The following ROBO1 variants were observed in gnomAD, a reference collection of about 807,000 sequenced individuals.
The protein encoded by ROBO1 is roundabout guidance receptor 1.
A neutral mutation model predicts 195.9 loss-of-function variants in ROBO1; 149 were observed. That is an observed-to-expected ratio of 0.76 (90% confidence interval 0.67 to 0.87). The LOEUF (loss-of-function observed/expected upper bound fraction) is 0.87, where lower values mean the gene tolerates loss of function less well. ROBO1 is among the 40% of genes least tolerant of loss of function. ROBO1 has a pLI of 0.00. For missense variants in ROBO1, 1,933 were observed against 2,068.3 expected (o/e 0.93, Z 1.27); for synonymous variants, 816 against 733.2 (o/e 1.11, Z -1.82).
At chr3:79,588,660 T>C (rs999392914) in intron 2 of ROBO1, among the ~76,000 whole-genome samples, 7 of 151,708 alleles carry the variant, frequency 4.6e-5, no homozygotes, top group Non-Finnish European at 8.9e-5. Flanking sequence ...ATTCATACAC[T>C]AATCTTAATA....
chr3:78,773,627 G>A (rs2083432585), intron 4 of ROBO1, among the ~76,000 whole-genome samples: 1 of 151,966 alleles, frequency 6.6e-6, no homozygotes, highest in African/African-American at 2.4e-5. Context: ...TTTTATTGAT[G>A]TATTTGGACA....
At position 78,676,693 on chromosome 3, in the gene ROBO1, G is replaced by A. The variant is rs1312662662; in HGVS notation, c.1343-6392C>T. On this transcript the variant is annotated intron_variant, in intron 10 of 30. Coordinates refer to ENST00000464233, the MANE Select transcript of ROBO1 (RefSeq NM_002941.4). ...GACTATGTGAAAAGACCAAATCTAC[G>A]TCTGATTGGTGTACCTGAAAGTGAC... Among the ~76,000 whole-genome samples the A allele has an allele frequency of 5.9e-5, 9 of 152,260 alleles. No homozygotes were observed. In the East Asian group the frequency reaches 9.6e-4, roughly 16 times the overall value.
chr3:79,526,573 A>G (rs1941441708), intron 2 of ROBO1: 1 of 152,166 alleles, frequency 6.6e-6, no homozygotes, highest in Non-Finnish European at 1.5e-5. Flanking sequence ...TGACTTCCAT[A>G]ATTCTGTGAA....
chr3:78,688,628 A>G lies in ROBO1; in HGVS notation c.1170+20T>C, dbSNP rs769912683. The stretch of plus-strand genomic sequence containing the variant: ...CCATCTTTGCTGATTTAAAAAAAAA[A>G]AGTTAGAAAAAGGTGGTACCTGACT... On this transcript the variant is annotated intron_variant, in intron 9 of 30. Coordinates refer to ENST00000464233, the MANE Select transcript of ROBO1 (RefSeq NM_002941.4). 84 of 1,551,546 alleles carry G rather than the reference A, an allele frequency of 5.4e-5. No homozygotes were observed. In the Admixed American group the frequency reaches 5.8e-4, roughly 11 times the overall value.
chr3:78,935,410 TCAAATCAACTTTCTTTA>T (rs2039751159), intron 4 of ROBO1, among the ~76,000 whole-genome samples: 1 of 151,996 alleles, frequency 6.6e-6, no homozygotes, highest in Admixed American at 6.6e-5. Context: ...GGGTCAAGGT[TCAAATCAACTTTCTTTA>T]AACTTCAATG....
intron 3 of ROBO1, among the ~76,000 whole-genome samples, chr3:79,064,235 A>T (rs569132781): frequency 2.0e-5 from 3 of 152,076 alleles, no homozygotes; most frequent in Admixed American, 6.6e-5. Context: ...CCAATTGTAC[A>T]TTTAAAAATA....
chr3:79,408,244 T>TG (rs2037630026), intron 2 of ROBO1, among the ~76,000 whole-genome samples: 1 of 146,312 alleles, frequency 6.8e-6, no homozygotes, highest in Non-Finnish European at 1.5e-5. Context: ...ATAAAAAAAA[T>TG]TAAAAAATTT....
chr3:78,636,979 C>T (rs1705556845), intron 22 of ROBO1, among the ~76,000 whole-genome samples: 1 of 84,924 alleles, frequency 1.2e-5, no homozygotes, highest in Non-Finnish European at 2.5e-5. Context: ...ATATGGCCTG[C>T]AGTTGAAAAT....
chr3:79,178,469 T>TA (rs199539646), intron 2 of ROBO1, among the ~76,000 whole-genome samples: 10 of 151,616 alleles, frequency 6.6e-5, no homozygotes, highest in Admixed American at 1.3e-4. Flanking sequence ...TAGGGAAAAA[T>TA]AAAAAAAACA....
intron 4 of ROBO1, among the ~76,000 whole-genome samples, chr3:78,911,071 G>A (rs1343033930): frequency 6.6e-6 from 1 of 152,000 alleles, no homozygotes; most frequent in Non-Finnish European, 1.5e-5. Context: ...ATAACCTGAG[G>A]AGAAAATTAA....
chr3:79,162,885 T>C (rs2080997360), intron 2 of ROBO1, among the ~76,000 whole-genome samples: 1 of 152,130 alleles, frequency 6.6e-6, no homozygotes, highest in Admixed American at 6.6e-5. Flanking sequence ...AAACTGAATA[T>C]GACCTCAGTT....
chr3:79,711,055 A>G (rs1012453422), intron 1 of ROBO1, among the ~76,000 whole-genome samples: 7 of 152,156 alleles, frequency 4.6e-5, no homozygotes, highest in African/African-American at 1.7e-4. Flanking sequence ...TTTCTATAAT[A>G]ATTTACTTAT....
At chr3:79,133,400 T>C (rs2080329944) in intron 2 of ROBO1, among the ~76,000 whole-genome samples, 1 of 128,062 alleles carries the variant, frequency 7.8e-6, no homozygotes. Context: ...TTCTTTTTTC[T>C]CTAAACTTCT....
At chr3:79,230,961 C>T (rs1374797762) in intron 2 of ROBO1, among the ~76,000 whole-genome samples, 1 of 152,046 alleles carries the variant, frequency 6.6e-6, no homozygotes, top group East Asian at 1.9e-4. Context: ...CAAAAACAAG[C>T]AATGGGGAAA....
At chr3:79,197,096 T>C (rs77066411) in intron 2 of ROBO1, among the ~76,000 whole-genome samples, 14,297 of 151,848 alleles carry the variant, frequency 0.094, 1,195 homozygotes, top group African/African-American at 0.22. Flanking sequence ...ACATTCAGAT[T>C]TGTTACATAG....
chr3:79,608,291 A>C (rs1412438237), intron 1 of ROBO1, among the ~76,000 whole-genome samples: 1 of 151,950 alleles, frequency 6.6e-6, no homozygotes, highest in Admixed American at 6.6e-5. Context: ...TGTTTGCTCA[A>C]GATCCTACAC....
chr3:79,446,103 A>G (rs530832673), intron 2 of ROBO1, among the ~76,000 whole-genome samples: 1 of 152,206 alleles, frequency 6.6e-6, no homozygotes, highest in South Asian at 2.1e-4. Context: ...CAGCCCAGAA[A>G]TTGTTTTCTC....
At chr3:78,835,308 T>G (rs1333474997) in intron 4 of ROBO1, among the ~76,000 whole-genome samples, 2 of 152,144 alleles carry the variant, frequency 1.3e-5, no homozygotes, top group Non-Finnish European at 2.9e-5. Flanking sequence ...AAAAGTAAAT[T>G]ATCCCAAGAA....
chr3:78,733,494 C>A (rs1296462940), intron 5 of ROBO1, among the ~76,000 whole-genome samples: 1 of 151,478 alleles, frequency 6.6e-6, no homozygotes, highest in Non-Finnish European at 1.5e-5. Context: ...CGATTACAAG[C>A]AATTAGAAAA....
Sources: allele counts gnomAD v4.1 joint callset (sites outside exome capture counted in the v4.1 genomes callset), GRCh38; gene constraint gnomAD v4.1.1; transcripts MANE v1.5; gene names NCBI Gene and HGNC (gene_info 2026-07-23, HGNC 2026-07-21).